Variants in INSIG2 observed in about 807,000 individuals in gnomAD.
INSIG2 encodes insulin induced gene 2.
Under a neutral mutation model 27.2 loss-of-function variants are expected in INSIG2, and 10 were observed. That is an observed-to-expected ratio of 0.37 (90% CI 0.23 to 0.62). The LOEUF (loss-of-function observed/expected upper bound fraction) is 0.62. Ranked by LOEUF, INSIG2 falls within the 20% of genes least tolerant of loss-of-function variation. The pLI, the probability that INSIG2 is intolerant of heterozygous loss-of-function variation, is 0.65. For synonymous variants in INSIG2, 97 were observed against 95.8 expected (o/e 1.01, Z -0.07); for missense variants, 178 against 270.2 (o/e 0.66, Z 2.39).
At chr2:118,099,945 C>T (rs1444820986) in intron 2 of INSIG2, among the ~76,000 whole-genome samples, 1 of 152,162 alleles carries the variant, frequency 6.6e-6, no homozygotes, top group East Asian at 1.9e-4. Context: ...AAGAAGATGG[C>T]CTCTCTCTGG....
intron 1 of INSIG2, among the ~76,000 whole-genome samples, chr2:118,094,378 A>ATGATGATGATGATGG (rs1678358809): frequency 7.0e-6 from 1 of 143,792 alleles, no homozygotes; most frequent in Non-Finnish European, 1.5e-5. Context: ...GATGATGATG[A>ATGATGATGATGATGG]TGATGATGAT....
rs1487809136 is a variant in INSIG2, at chr2:118,110,834, G to A, written c.*2512G>A. 2 of 152,234 alleles carry A rather than the reference G, an allele frequency of 1.3e-5. No individual in the cohort carries two copies. Among genetic ancestry groups the A allele is most frequent in the East Asian group, 3.9e-4 (2 of 5,186 alleles). The allele number at this position is 152,234 out of a possible 1,614,324, so 9.4% of individuals were successfully genotyped here. On this transcript the variant is annotated 3_prime_UTR_variant, in exon 6 of 6. Coordinates refer to ENST00000245787, the MANE Select transcript of INSIG2 (RefSeq NM_016133.4). ...AAGAAAACAATTCAAATTAGCCAGA[G>A]CCCTGCTAAAACTTTTAATGTAAAA...
intron 1 of INSIG2, among the ~76,000 whole-genome samples, chr2:118,092,872 GAT>G (rs1678289405): frequency 6.7e-6 from 1 of 150,046 alleles, no homozygotes; most frequent in Non-Finnish European, 1.5e-5. Flanking sequence ...TGATGATGAT[GAT>G]GATGATGATG....
rs1205710536 is a variant in INSIG2, at chr2:118,096,561, CAGA to C, written c.8_10del (p.Glu3del). On this transcript the variant is annotated inframe_deletion, in exon 2 of 6. Coordinates refer to ENST00000245787, the MANE Select transcript of INSIG2 (RefSeq NM_016133.4). ...GCTTTCTGAACCTATGAAACCATGG[CAGA>C]AGGAGAGACAGAGTCACCTGGGCCC... The C allele has an allele frequency of 1.2e-6, 2 of 1,611,828 alleles. No homozygotes were observed. The highest frequency in any genetic ancestry group is 1.7e-6 in the Non-Finnish European group (2 of 1,178,984).
At chr2:118,106,942 A>G (rs1217162285) in intron 4 of INSIG2, 39 bp downstream of exon 4, 1 of 1,601,266 alleles carries the variant, frequency 6.2e-7, no homozygotes, top group East Asian at 2.2e-5. Context: ...CTTGTTTGCT[A>G]GATAAATAAA....
chr2:118,102,449 A>G (rs1285592841), intron 2 of INSIG2: 1 of 152,234 alleles, frequency 6.6e-6, no homozygotes, highest in African/African-American at 2.4e-5. Flanking sequence ...TTCTTCTTCT[A>G]ACAGTGCACT....
chr2:118,092,453 AGT>A (rs1678277687), intron 1 of INSIG2, among the ~76,000 whole-genome samples: 1 of 152,088 alleles, frequency 6.6e-6, no homozygotes, highest in Non-Finnish European at 1.5e-5. Flanking sequence ...ACTATCTGAG[AGT>A]GTATTATAGT....
At chr2:118,099,279 C>G (rs1678485055) in intron 2 of INSIG2, among the ~76,000 whole-genome samples, 4 of 152,206 alleles carry the variant, frequency 2.6e-5, no homozygotes. Context: ...AACTAACATT[C>G]ATAGATAGAG....
At chr2:118,106,220 G>A (rs760809683) in intron 3 of INSIG2, among the ~76,000 whole-genome samples, 5 of 152,216 alleles carry the variant, frequency 3.3e-5, no homozygotes, top group Non-Finnish European at 7.3e-5. Context: ...ATTATAAAAT[G>A]TGTCTGTCAG....
chr2:118,106,620 T>C, intron 3 of INSIG2, 117 bp from the exon 4 acceptor site: 3 of 736,818 alleles, frequency 4.1e-6, no homozygotes, highest in South Asian at 3.7e-5. Context: ...AGACTGAATG[T>C]ACTTGAGTAG....
At chr2:118,093,807 A>AGGAGG in intron 1 of INSIG2, among the ~76,000 whole-genome samples, 1 of 43,772 alleles carries the variant, frequency 2.3e-5, no homozygotes, top group Non-Finnish European at 5.4e-5. Flanking sequence ...GATGATGATG[A>AGGAGG]AGGAGAGTTC....
intron 3 of INSIG2, among the ~76,000 whole-genome samples, chr2:118,104,696 G>A (rs779384339): frequency 5.3e-5 from 8 of 152,266 alleles, no homozygotes; most frequent in Non-Finnish European, 8.8e-5. Flanking sequence ...GCTGAGAACA[G>A]CCCTGAGACA....
chr2:118,109,219 A>G lies in INSIG2; in HGVS notation c.*897A>G, dbSNP rs1678752925. ...GCACATGGAGCATATAGGAAACTCC[A>G]AACAGATCACAATGAGGTTTCTAAA... On this transcript the variant is annotated 3_prime_UTR_variant, in exon 6 of 6. Transcript: ENST00000245787. 6.6e-6 allele frequency: 1 copy of G among 152,222 alleles called. No individual in the cohort carries two copies. The highest frequency in any genetic ancestry group is 1.5e-5 in the Non-Finnish European group (1 of 68,044). 9.4% of individuals were successfully genotyped at this position (152,222 alleles called of 1,614,324 possible). A position where few individuals can be genotyped will look rare whatever the true frequency, so the allele number is the denominator to read the frequency against.
rs200100686 is a variant in INSIG2, at chr2:118,104,870, AACTT to A, written c.369+1551_369+1554del. On this transcript the variant is annotated intron_variant, in intron 3 of 5. Coordinates refer to ENST00000245787, the MANE Select transcript of INSIG2 (RefSeq NM_016133.4). ...AAATAGCCTTTTCTGAAATTCTAAA[AACTT>A]AATAAGTTCAAATTCTTTGCTTTGT... Among the ~76,000 whole-genome samples the A allele has an allele frequency of 3.0e-4, 45 of 152,292 alleles. No homozygotes were observed. In the East Asian group the frequency reaches 8.3e-3, roughly 28 times the overall value.
At chr2:118,094,233 A>AGATGATGATGATGATGATGAT (rs70949910) in intron 1 of INSIG2, among the ~76,000 whole-genome samples, 3 of 98,400 alleles carry the variant, frequency 3.0e-5, no homozygotes, top group Non-Finnish European at 6.3e-5. Context: ...AAAAGCAACC[A>AGATGATGATGATGATGATGAT]GATGATGATG....
At chr2:118,103,566 T>A (rs1414604916) in intron 3 of INSIG2, among the ~76,000 whole-genome samples, 1 of 152,248 alleles carries the variant, frequency 6.6e-6, no homozygotes, top group Non-Finnish European at 1.5e-5. Context: ...TTGAAAACTT[T>A]ACTTGTTTTT....
intron 3 of INSIG2, 78 bp downstream of exon 3, chr2:118,103,399 C>T (rs1678597873): frequency 1.5e-6 from 2 of 1,297,452 alleles, no homozygotes; most frequent in African/African-American, 2.9e-5. Flanking sequence ...CCCCTTACAA[C>T]TTCACTGTTG....
At chr2:118,097,058 C>T (rs930380897) in intron 2 of INSIG2, among the ~76,000 whole-genome samples, 5 of 152,130 alleles carry the variant, frequency 3.3e-5, no homozygotes, top group Non-Finnish European at 7.4e-5. Context: ...CAGTCCATTC[C>T]CCACCCCCAG....
At position 118,104,187 on chromosome 2, in the gene INSIG2, A is replaced by G. The variant is rs568602695; in HGVS notation, c.369+866A>G. Among the ~76,000 whole-genome samples, 7 of 152,222 alleles carry G rather than the reference A, an allele frequency of 4.6e-5. No homozygotes were observed. The East Asian group carries it at 1.4e-3, about 29-fold the overall frequency. The stretch of plus-strand genomic sequence containing the variant: ...CAAGAAGTGTGACTCAGGCTGCCAA[A>G]AGTTTGCTCTTATAACTCTGCACTG... On this transcript the variant is annotated intron_variant, in intron 3 of 5. Coordinates refer to ENST00000245787, the MANE Select transcript of INSIG2 (RefSeq NM_016133.4).
Sources: allele counts gnomAD v4.1 joint callset (sites outside exome capture counted in the v4.1 genomes callset), GRCh38; gene constraint gnomAD v4.1.1; transcripts MANE v1.5; gene names NCBI Gene and HGNC (gene_info 2026-07-23, HGNC 2026-07-21).